IRAK2: variants seen among roughly 807,000 people sequenced by gnomAD.
IRAK2 encodes the protein interleukin 1 receptor associated kinase 2.
Under a neutral mutation model 72.0 loss-of-function variants are expected in IRAK2, and 57 were observed. That is an observed-to-expected ratio of 0.79 (90% CI 0.64 to 0.99). The LOEUF (loss-of-function observed/expected upper bound fraction) is 0.99. IRAK2 is among the 50% of genes least tolerant of loss of function. IRAK2 has a pLI of 0.00. For synonymous variants in IRAK2, 293 were observed against 312.7 expected (o/e 0.94, Z 0.67); for missense variants, 790 against 794.4 (o/e 0.99, Z 0.07).
chr3:10,231,824 T>C (rs933498612), intron 10 of IRAK2, among the ~76,000 whole-genome samples: 2 of 152,044 alleles, frequency 1.3e-5, no homozygotes, highest in Non-Finnish European at 2.9e-5. Context: ...CATGGTTATG[T>C]TTCTTAAGAC....
chr3:10,188,765 A>G (rs1041238425), intron 2 of IRAK2, among the ~76,000 whole-genome samples: 1 of 152,216 alleles, frequency 6.6e-6, no homozygotes, highest in Non-Finnish European at 1.5e-5. Context: ...ACCTCAGGTG[A>G]TCCCCCTGCC....
chr3:10,168,684 T>C (rs1430147364), intron 1 of IRAK2, among the ~76,000 whole-genome samples: 1 of 152,214 alleles, frequency 6.6e-6, no homozygotes, highest in Admixed American at 6.5e-5. Flanking sequence ...CTGGGATGGA[T>C]ATGATCTGAA....
In IRAK2 at chr3:10,236,341, GGTTTTTTTTTTT is replaced by G. The variant is rs1158487220; in HGVS notation, c.1473+1683_1473+1694del. Among the ~76,000 whole-genome samples, 13 of 125,264 alleles carry G rather than the reference GGTTTTTTTTTTT, an allele frequency of 1.0e-4. No individual in the cohort carries two copies. The East Asian group carries it at 4.0e-3, about 39-fold the overall frequency. The allele number at this position is 125,264 out of a possible 152,430, so 82.2% of individuals were successfully genotyped here. ...GTAAGGATTTTTGCAGAGCCACTAAGGTTTTTTTTTTTTTTTTTTTTTTTTTAACAGAATCTC... is the reference window on the plus strand; with the variant it reads ...GTAAGGATTTTTGCAGAGCCACTAAGTTTTTTTTTTTTTTAACAGAATCTC... On this transcript the variant is annotated intron_variant, in intron 11 of 12. Coordinates refer to ENST00000256458, the MANE Select transcript of IRAK2 (RefSeq NM_001570.4).
At chr3:10,166,907 G>A (rs941301254) in intron 1 of IRAK2, among the ~76,000 whole-genome samples, 1 of 152,196 alleles carries the variant, frequency 6.6e-6, no homozygotes, top group Admixed American at 6.5e-5. Flanking sequence ...GCCTCCCAAA[G>A]TGCTGGGATT....
At chr3:10,173,562 C>T (rs1441918786) in intron 1 of IRAK2, among the ~76,000 whole-genome samples, 1 of 152,180 alleles carries the variant, frequency 6.6e-6, no homozygotes, top group Non-Finnish European at 1.5e-5. Context: ...TGGCTGATGC[C>T]TGTGATCCCA....
At chr3:10,195,521 C>T (rs1559444343) in intron 2 of IRAK2, among the ~76,000 whole-genome samples, 1 of 151,610 alleles carries the variant, frequency 6.6e-6, no homozygotes, top group Non-Finnish European at 1.5e-5. Flanking sequence ...CACTGCATAG[C>T]CTGGGTGACA....
chr3:10,194,995 C>T (rs1207641413), intron 2 of IRAK2, among the ~76,000 whole-genome samples: 2 of 152,114 alleles, frequency 1.3e-5, no homozygotes, highest in Admixed American at 6.6e-5. Context: ...CTGCCGACAC[C>T]GCCCCTCCCC....
chr3:10,238,275 GTCTCTCTGTCTGTGGC>G (rs1380828832), intron 11 of IRAK2, among the ~76,000 whole-genome samples: 1 of 152,114 alleles, frequency 6.6e-6, no homozygotes, highest in Non-Finnish European at 1.5e-5. Context: ...CAGCCATTGT[GTCTCTCTGTCTGTGGC>G]TCTCTCTTCG....
intron 10 of IRAK2, among the ~76,000 whole-genome samples, chr3:10,232,578 C>G (rs761447145): frequency 4.6e-5 from 7 of 152,116 alleles, no homozygotes; most frequent in Middle Eastern, 6.3e-3. Context: ...TCCCCCAACC[C>G]CTGTTTAAAC....
intron 8 of IRAK2, among the ~76,000 whole-genome samples, chr3:10,221,865 C>T (rs182933960): frequency 2.6e-5 from 4 of 151,862 alleles, no homozygotes; most frequent in African/African-American, 9.7e-5. Context: ...TAGCTTTTTC[C>T]CATTTTGGAG....
intron 2 of IRAK2, among the ~76,000 whole-genome samples, chr3:10,190,115 A>G (rs75135019): frequency 0.03 from 4,598 of 151,260 alleles, 247 homozygotes; most frequent in African/African-American, 0.11. Flanking sequence ...GATGAGGCCA[A>G]CATGGGAATT....
chr3:10,240,662 T>C (rs9809926), intron 12 of IRAK2, among the ~76,000 whole-genome samples: 102,026 of 146,362 alleles, frequency 0.7, 35,990 homozygotes, highest in East Asian at 0.99. Context: ...CGGGTTCAAG[T>C]GATTCTCCTG....
intron 3 of IRAK2, among the ~76,000 whole-genome samples, chr3:10,206,633 G>A (rs368433537): frequency 7.6e-4 from 115 of 152,188 alleles, no homozygotes; most frequent in African/African-American, 2.7e-3. Flanking sequence ...TTGGCTCACT[G>A]CAACCTCTGC....
At chr3:10,209,400 G>A (rs1697484217) in intron 3 of IRAK2, among the ~76,000 whole-genome samples, 189 bp from the exon 4 acceptor site, 1 of 152,184 alleles carries the variant, frequency 6.6e-6, no homozygotes, top group African/African-American at 2.4e-5. Context: ...AGGTTGTAGG[G>A]GAGTCAGAGG....
At chr3:10,172,964 C>T (rs1696821102) in intron 1 of IRAK2, among the ~76,000 whole-genome samples, 1 of 151,820 alleles carries the variant, frequency 6.6e-6, no homozygotes, top group African/African-American at 2.4e-5. Flanking sequence ...CAGGCGTGAG[C>T]CACCGCACCT....
chr3:10,226,498 A>G, intron 10 of IRAK2, 65 bp downstream of exon 10: 1 of 1,302,364 alleles, frequency 7.7e-7, no homozygotes. Flanking sequence ...TAGAGAGGGC[A>G]ACGACCTCAA....
At chr3:10,170,370 T>C (rs1450443811) in intron 1 of IRAK2, among the ~76,000 whole-genome samples, 2 of 152,230 alleles carry the variant, frequency 1.3e-5, no homozygotes, top group African/African-American at 4.8e-5. Context: ...AAGTCCCTTT[T>C]GCTATGTAAG....
intron 11 of IRAK2, among the ~76,000 whole-genome samples, chr3:10,236,416 C>T (rs1297198653): frequency 1.4e-5 from 2 of 144,232 alleles, no homozygotes; most frequent in African/African-American, 5.2e-5. Context: ...GGTGCAATCT[C>T]GGCTCACTGC....
intron 10 of IRAK2, among the ~76,000 whole-genome samples, chr3:10,229,733 T>G (rs1259544176): frequency 6.6e-6 from 1 of 152,192 alleles, no homozygotes; most frequent in Non-Finnish European, 1.5e-5. Flanking sequence ...CATTTACCAG[T>G]TGCTGGACAT....
Sources: allele counts gnomAD v4.1 joint callset (sites outside exome capture counted in the v4.1 genomes callset), GRCh38; gene constraint gnomAD v4.1.1; transcripts MANE v1.5; gene names NCBI Gene and HGNC (gene_info 2026-07-23, HGNC 2026-07-21).